FGGY: variants seen among roughly 807,000 people sequenced by gnomAD.
FGGY encodes the protein FGGY carbohydrate kinase domain containing.
A neutral mutation model predicts 71.3 loss-of-function variants in FGGY; 72 were observed. That is an observed-to-expected ratio of 1.01 (90% CI 0.84 to 1.23). The LOEUF is 1.23. Among genes scored for constraint, FGGY ranks in the 50% most tolerant of loss-of-function variants. FGGY has a pLI of 0.00. For synonymous variants in FGGY, 251 were observed against 250.3 expected, an observed-to-expected ratio of 1.00 and a Z score of -0.02; for missense variants, 668 against 682.3, an observed-to-expected ratio of 0.98 and a Z score of 0.23.
chr1:59,469,410 G>A (rs1191375312), intron 6 of FGGY, among the ~76,000 whole-genome samples: 1 of 152,152 alleles, frequency 6.6e-6, no homozygotes, highest in African/African-American at 2.4e-5. Flanking sequence ...ACAAGAATGA[G>A]AGAGGGCAAG....
intron 2 of FGGY, among the ~76,000 whole-genome samples, chr1:59,324,554 G>A (rs1244082588): frequency 1.3e-5 from 2 of 152,018 alleles, no homozygotes; most frequent in Admixed American, 6.5e-5. Context: ...GGGATTACAG[G>A]CGTGAGCCAC....
At chr1:59,625,253 G>A (rs1290734775) in intron 9 of FGGY, among the ~76,000 whole-genome samples, 1 of 152,156 alleles carries the variant, frequency 6.6e-6, no homozygotes. Context: ...AATGCATGGA[G>A]AAACATTTCT....
intron 4 of FGGY, among the ~76,000 whole-genome samples, chr1:59,354,280 T>C (rs2053864630): frequency 1.3e-5 from 2 of 152,164 alleles, no homozygotes; most frequent in African/African-American, 2.4e-5. Context: ...GGTTTTACCA[T>C]GTTGCCCAGG....
chr1:59,404,021 AATGATG>A (rs1020322257), intron 5 of FGGY, among the ~76,000 whole-genome samples: 1 of 152,210 alleles, frequency 6.6e-6, no homozygotes, highest in African/African-American at 2.4e-5. Flanking sequence ...TATAATTCAT[AATGATG>A]ATGTTTAATT....
intron 2 of FGGY, among the ~76,000 whole-genome samples, chr1:59,334,654 TAGTAAGAAATGG>T: frequency 6.6e-6 from 1 of 152,148 alleles, no homozygotes; most frequent in Non-Finnish European, 1.5e-5. Flanking sequence ...ACATGTTAAA[TAGTAAGAAATGG>T]AATTCTAAAT....
intron 2 of FGGY, among the ~76,000 whole-genome samples, chr1:59,330,905 C>A (rs935196343): frequency 4.0e-5 from 6 of 151,882 alleles, no homozygotes; most frequent in Admixed American, 1.3e-4. Context: ...GAATGGCTGG[C>A]AGAGAAGAAA....
intron 14 of FGGY, among the ~76,000 whole-genome samples, chr1:59,687,592 G>C (rs1444618913): frequency 6.6e-6 from 1 of 150,634 alleles, no homozygotes; most frequent in African/African-American, 2.4e-5. Context: ...TCAGCCTCCC[G>C]AGTAGCTGGG....
chr1:59,460,564 A>G (rs541201100), intron 6 of FGGY, among the ~76,000 whole-genome samples: 1 of 152,326 alleles, frequency 6.6e-6, no homozygotes, highest in East Asian at 1.9e-4. Flanking sequence ...CTCCCAGCAC[A>G]GTGTTTGAGC....
chr1:59,484,240 T>A (rs2093590767), intron 6 of FGGY, among the ~76,000 whole-genome samples: 1 of 152,202 alleles, frequency 6.6e-6, no homozygotes, highest in Non-Finnish European at 1.5e-5. Context: ...GTCATTTCAA[T>A]CCCTGCATTT....
intron 5 of FGGY, among the ~76,000 whole-genome samples, chr1:59,454,380 G>A (rs1337440853): frequency 6.6e-6 from 1 of 152,188 alleles, no homozygotes; most frequent in Non-Finnish European, 1.5e-5. Flanking sequence ...ATACTCTTCA[G>A]AACATGTTAC....
At chr1:59,655,269 T>G (rs1427039322) in intron 11 of FGGY, among the ~76,000 whole-genome samples, 1 of 152,336 alleles carries the variant, frequency 6.6e-6, no homozygotes, top group Non-Finnish European at 1.5e-5. Flanking sequence ...TATTTTACTT[T>G]TGTAAGTTTA....
chr1:59,493,888 T>C (rs757388509), intron 6 of FGGY, among the ~76,000 whole-genome samples: 1 of 152,198 alleles, frequency 6.6e-6, no homozygotes, highest in African/African-American at 2.4e-5. Context: ...TTGGGGGAGA[T>C]AGAGACTAAT....
chr1:59,644,633 A>G (rs941702770), intron 11 of FGGY, among the ~76,000 whole-genome samples: 2 of 150,698 alleles, frequency 1.3e-5, no homozygotes, highest in Non-Finnish European at 2.9e-5. Context: ...CCCCACCCAA[A>G]GAAAAATGCT....
intron 7 of FGGY, among the ~76,000 whole-genome samples, chr1:59,516,552 C>T (rs552478096): frequency 3.9e-5 from 6 of 152,272 alleles, no homozygotes; most frequent in Non-Finnish European, 5.9e-5. Flanking sequence ...TATGGTGCTT[C>T]GCAGAACTTT....
At chr1:59,712,278 C>T (rs945212271) in intron 14 of FGGY, among the ~76,000 whole-genome samples, 1 of 152,188 alleles carries the variant, frequency 6.6e-6, no homozygotes, top group Non-Finnish European at 1.5e-5. Context: ...GGCAGCTCTG[C>T]CCCTGTGGTT....
intron 5 of FGGY, among the ~76,000 whole-genome samples, chr1:59,386,715 T>C (rs1274634586): frequency 1.3e-5 from 2 of 152,178 alleles, no homozygotes; most frequent in Admixed American, 1.3e-4. Context: ...TTTATGGCTT[T>C]GAACTAAAAT....
At chr1:59,409,447 G>A (rs1315012498) in intron 5 of FGGY, among the ~76,000 whole-genome samples, 3 of 152,168 alleles carry the variant, frequency 2.0e-5, no homozygotes, top group Non-Finnish European at 4.4e-5. Flanking sequence ...GAGAAAGGGA[G>A]CAAGAGGCAT....
At chr1:59,493,115 A>ACACG (rs1044288634) in intron 6 of FGGY, among the ~76,000 whole-genome samples, 2 of 151,586 alleles carry the variant, frequency 1.3e-5, no homozygotes, top group African/African-American at 4.9e-5. Context: ...ACACACACAC[A>ACACG]CACACACACA....
intron 7 of FGGY, among the ~76,000 whole-genome samples, chr1:59,526,768 C>T (rs2094995135): frequency 6.6e-6 from 1 of 152,184 alleles, no homozygotes; most frequent in African/African-American, 2.4e-5. Context: ...GAGAGGCAGC[C>T]GGGAAGACGG....
Sources: gnomAD v4.1 joint callset for allele counts (sites outside exome capture counted in the v4.1 genomes callset) on GRCh38, gnomAD v4.1.1 for gene constraint, MANE v1.5 for transcripts, NCBI Gene and HGNC (gene_info 2026-07-23, HGNC 2026-07-21) for gene names.